SCLT1: variants seen among roughly 807,000 people sequenced by gnomAD.
The protein encoded by SCLT1 is sodium channel-associated protein 1.
Under a neutral mutation model 112.8 loss-of-function variants are expected in SCLT1, and 78 were observed. The observed-to-expected ratio is 0.69, with a 90% CI of 0.58 to 0.83. The LOEUF (loss-of-function observed/expected upper bound fraction) is 0.83. Ranked by LOEUF, SCLT1 falls within the 40% of genes least tolerant of loss-of-function variation. The pLI is 0.00. For missense variants in SCLT1, 747 were observed against 770.4 expected, an observed-to-expected ratio of 0.97 and a Z score of 0.36; for synonymous variants, 257 against 254.7, an observed-to-expected ratio of 1.01 and a Z score of -0.09.
chr4:128,917,249 T>C (rs1035834943), intron 18 of SCLT1, among the ~76,000 whole-genome samples: 10 of 152,196 alleles, frequency 6.6e-5, no homozygotes, highest in South Asian at 2.1e-4. Flanking sequence ...TAACAAACTG[T>C]AAAACTCTTT....
At chr4:129,067,882 T>C (rs1377856828) in intron 2 of SCLT1, among the ~76,000 whole-genome samples, 1 of 150,980 alleles carries the variant, frequency 6.6e-6, no homozygotes, top group Non-Finnish European at 1.5e-5. Context: ...GAACAGGTGG[T>C]GTTTGGTTAC....
At position 129,065,221 on chromosome 4, in the gene SCLT1, T is replaced by A. The variant is rs117875563; in HGVS notation, c.102+17085A>T. ...CTTATTTATCTATAGTAATATTTCT[T>A]AGTTAAATCTATTTCATTTCATATC... On this transcript the variant is annotated intron_variant, in intron 2 of 20. Coordinates refer to ENST00000281142, the MANE Select transcript of SCLT1 (RefSeq NM_144643.4). Among the ~76,000 whole-genome samples the A allele has an allele frequency of 2.8e-3, 425 of 152,158 alleles. 11 individuals carry two copies. The East Asian group carries it at 0.069, about 25-fold the overall frequency.
At chr4:129,080,645 A>T (rs2125771556) in intron 2 of SCLT1, among the ~76,000 whole-genome samples, 1 of 152,272 alleles carries the variant, frequency 6.6e-6, no homozygotes, top group African/African-American at 2.4e-5. Flanking sequence ...GAAGTTCCAA[A>T]CTTTCCTTCA....
chr4:128,952,378 T>C (rs1465326923), intron 14 of SCLT1: 3 of 460,298 alleles, frequency 6.5e-6, no homozygotes, highest in East Asian at 6.8e-5. Context: ...CTCTCCCCTC[T>C]TGGCCTACTC....
At chr4:129,081,268 C>A (rs1012082107) in intron 2 of SCLT1, among the ~76,000 whole-genome samples, 3 of 152,182 alleles carry the variant, frequency 2.0e-5, no homozygotes, top group Non-Finnish European at 2.9e-5. Context: ...CCCATATGCC[C>A]TAAGAACAAA....
chr4:129,021,861 C>T (rs1028257133), intron 5 of SCLT1, among the ~76,000 whole-genome samples: 1 of 152,204 alleles, frequency 6.6e-6, no homozygotes, highest in East Asian at 1.9e-4. Flanking sequence ...GACTCCCATG[C>T]CTCCTGACAG....
At chr4:128,939,126 C>T (rs555079004) in intron 17 of SCLT1, among the ~76,000 whole-genome samples, 19 of 152,130 alleles carry the variant, frequency 1.2e-4, no homozygotes, top group Non-Finnish European at 2.8e-4. Flanking sequence ...GCTTTAAGAC[C>T]CTTTATGATA....
At chr4:128,943,531 C>T (rs950532490) in intron 16 of SCLT1, among the ~76,000 whole-genome samples, 2 of 151,994 alleles carry the variant, frequency 1.3e-5, no homozygotes, top group Admixed American at 6.6e-5. Flanking sequence ...AAGGATGAAG[C>T]GGATAATAAC....
intron 5 of SCLT1, among the ~76,000 whole-genome samples, chr4:129,004,722 A>C (rs1743840491): frequency 6.6e-6 from 1 of 151,856 alleles, no homozygotes; most frequent in Admixed American, 6.6e-5. Context: ...TAATATTACA[A>C]ATCTCCTTTG....
chr4:129,010,199 A>G (rs889383459), intron 5 of SCLT1, among the ~76,000 whole-genome samples: 3 of 152,092 alleles, frequency 2.0e-5, no homozygotes, highest in African/African-American at 7.2e-5. Context: ...TGCTTGAGTT[A>G]GGTTTGTCGA....
intron 1 of SCLT1, among the ~76,000 whole-genome samples, chr4:129,087,251 T>G (rs1752475394): frequency 6.6e-6 from 1 of 152,176 alleles, no homozygotes; most frequent in African/African-American, 2.4e-5. Context: ...CAATACAGAG[T>G]ACTGAATAGC....
chr4:129,020,316 G>A (rs1284384702), intron 5 of SCLT1, among the ~76,000 whole-genome samples: 1 of 152,162 alleles, frequency 6.6e-6, no homozygotes, highest in South Asian at 2.1e-4. Context: ...TACAGTCATG[G>A]TATCTGCCAT....
chr4:129,081,163 C>A (rs1751901707), intron 2 of SCLT1, among the ~76,000 whole-genome samples: 1 of 152,148 alleles, frequency 6.6e-6, no homozygotes, highest in Non-Finnish European at 1.5e-5. Context: ...CACCTTTGCT[C>A]AAGGAAATTC....
Position 128,952,037 on chromosome 4 carries a change from CG to C in SCLT1, c.1218+731del, listed in dbSNP as rs569365580. 1.2e-3 allele frequency among the ~76,000 whole-genome samples: 180 copies of C among 152,114 alleles called. 1 individual carries two copies. Among genetic ancestry groups the C allele is most frequent in the African/African-American group, 4.2e-3 (176 of 41,524 alleles). ...AAGCAACAGGGAAAATAAAGGAAGG[CG>C]TAAGACTCTACTATGTTGAGATGCT... On this transcript the variant is annotated intron_variant, in intron 14 of 20. Transcript: ENST00000281142.
At chr4:128,959,312 A>C (rs917337370) in intron 12 of SCLT1, among the ~76,000 whole-genome samples, 2 of 151,732 alleles carry the variant, frequency 1.3e-5, no homozygotes, top group African/African-American at 4.9e-5. Context: ...CACTGTTAAC[A>C]GTTTTTTTTT....
chr4:129,027,441 A>T (rs1267464430), intron 5 of SCLT1, among the ~76,000 whole-genome samples: 2 of 152,226 alleles, frequency 1.3e-5, no homozygotes, highest in African/African-American at 4.8e-5. Context: ...GATTATGTCA[A>T]TAGATGCGGA....
intron 18 of SCLT1, among the ~76,000 whole-genome samples, chr4:128,925,027 C>G (rs1195874533): frequency 2.0e-5 from 3 of 152,144 alleles, no homozygotes; most frequent in Non-Finnish European, 4.4e-5. Context: ...ACCAACAAGG[C>G]AAGGAACTGA....
chr4:129,044,107 A>C, intron 2 of SCLT1, 56 bp from the exon 3 acceptor site: 1 of 847,084 alleles, frequency 1.2e-6, no homozygotes, highest in Admixed American at 2.3e-5. Context: ...GCCAAAATTG[A>C]TAGTGATATA....
intron 2 of SCLT1, among the ~76,000 whole-genome samples, chr4:129,054,500 G>T (rs565670578): frequency 6.6e-6 from 1 of 151,872 alleles, no homozygotes; most frequent in African/African-American, 2.4e-5. Flanking sequence ...TCAGTAAGTT[G>T]ATTTTCAATC....
Sources: gnomAD v4.1 joint callset for allele counts (sites outside exome capture counted in the v4.1 genomes callset) on GRCh38, gnomAD v4.1.1 for gene constraint, MANE v1.5 for transcripts, NCBI Gene and HGNC (gene_info 2026-07-23, HGNC 2026-07-21) for gene names.